Variants in CRPPA observed in about 807,000 individuals in gnomAD.
CRPPA encodes the protein CDP-L-ribitol pyrophosphorylase A, also known as D-ribitol-5-phosphate cytidylyltransferase.
In CRPPA, 43 loss-of-function variants were observed where a neutral mutation model predicts 52.0. The observed-to-expected ratio is 0.83, with a 90% CI of 0.65 to 1.07. CRPPA has a LOEUF of 1.07. Among genes scored for constraint, CRPPA ranks in the 50% least tolerant of loss-of-function variants. CRPPA has a pLI of 0.00. For missense variants in CRPPA, 629 were observed against 551.7 expected (o/e 1.14, Z -1.40); for synonymous variants, 250 against 203.5 (o/e 1.23, Z -1.94).
intron 9 of CRPPA, among the ~76,000 whole-genome samples, chr7:16,214,048 A>G (rs894232382): frequency 1.1e-4 from 17 of 152,212 alleles, no homozygotes; most frequent in Non-Finnish European, 1.9e-4. Context: ...CCAAGCCAAT[A>G]ATATAATCCA....
chr7:16,310,175 A>G (rs1284829675), intron 3 of CRPPA, among the ~76,000 whole-genome samples: 2 of 152,128 alleles, frequency 1.3e-5, no homozygotes, highest in African/African-American at 2.4e-5. Flanking sequence ...AGTTATAATG[A>G]TATCATTGAT....
At chr7:16,293,717 C>T (rs1784610298) in intron 5 of CRPPA, among the ~76,000 whole-genome samples, 1 of 151,942 alleles carries the variant, frequency 6.6e-6, no homozygotes, top group Admixed American at 6.6e-5. Flanking sequence ...CAGAAGCTAA[C>T]TGAGCATGTT....
chr7:16,327,319 G>A (rs924421952), intron 3 of CRPPA, among the ~76,000 whole-genome samples: 5 of 152,090 alleles, frequency 3.3e-5, no homozygotes, highest in African/African-American at 7.2e-5. Context: ...AAGGCCGGGC[G>A]CGGTGGCTCA....
intron 9 of CRPPA, among the ~76,000 whole-genome samples, chr7:16,164,791 G>A (rs1165172393): frequency 6.6e-6 from 1 of 152,150 alleles, no homozygotes; most frequent in African/African-American, 2.4e-5. Flanking sequence ...GGAGCTTGCT[G>A]GGAGTCCACT....
intron 9 of CRPPA, among the ~76,000 whole-genome samples, chr7:16,200,197 C>T (rs374554251): frequency 2.0e-5 from 3 of 152,246 alleles, no homozygotes; most frequent in South Asian, 2.1e-4. Context: ...CTTCTACGGA[C>T]GTTACTGCTT....
chr7:16,339,429 C>T (rs2128432697), intron 3 of CRPPA, among the ~76,000 whole-genome samples: 2 of 151,966 alleles, frequency 1.3e-5, no homozygotes, highest in African/African-American at 2.4e-5. Flanking sequence ...TAACAATAAG[C>T]TGAAGGAGAA....
rs568980002 is a variant in CRPPA, at chr7:16,252,388, T to A, written c.1119+6002A>T. On this transcript the variant is annotated intron_variant, in intron 8 of 9. Coordinates refer to ENST00000407010, the MANE Select transcript of CRPPA (RefSeq NM_001101426.4). The stretch of plus-strand genomic sequence containing the variant: ...TAAAAACTCTCAATAAACTAAGTAT[T>A]GACGGAACGTATCTCAAAATAATAA... 2.0e-5 allele frequency among the ~76,000 whole-genome samples: 3 copies of A among 152,310 alleles called. No homozygotes were observed. The East Asian group carries it at 5.8e-4, about 29-fold the overall frequency.
intron 2 of CRPPA, among the ~76,000 whole-genome samples, chr7:16,389,927 A>AG (rs1562673813): frequency 1.5e-5 from 1 of 67,690 alleles, no homozygotes; most frequent in Non-Finnish European, 3.0e-5. Context: ...AAAAAAAAAA[A>AG]AATATATATA....
chr7:16,098,845 C>T (rs957654997), intron 9 of CRPPA, among the ~76,000 whole-genome samples: 5 of 152,128 alleles, frequency 3.3e-5, no homozygotes, highest in African/African-American at 9.7e-5. Context: ...AAAGCGATCA[C>T]CTACTGATAG....
intron 9 of CRPPA, among the ~76,000 whole-genome samples, chr7:16,202,124 A>C (rs1419924565): frequency 6.6e-6 from 1 of 152,222 alleles, no homozygotes; most frequent in Non-Finnish European, 1.5e-5. Context: ...TTTAATTTGA[A>C]TATATGGTAA....
intron 6 of CRPPA, among the ~76,000 whole-genome samples, chr7:16,271,385 T>C (rs1172584049): frequency 6.6e-6 from 1 of 152,172 alleles, no homozygotes; most frequent in Admixed American, 6.5e-5. Context: ...AACTGGATCA[T>C]GTCATTTTCA....
chr7:16,131,056 G>A (rs560097297), intron 9 of CRPPA, among the ~76,000 whole-genome samples: 38 of 152,306 alleles, frequency 2.5e-4, no homozygotes, highest in African/African-American at 9.1e-4. Flanking sequence ...TTCTACAACT[G>A]TGAAAAAACA....
intron 8 of CRPPA, among the ~76,000 whole-genome samples, chr7:16,227,910 G>T (rs1259181347): frequency 1.3e-5 from 2 of 151,834 alleles, no homozygotes; most frequent in African/African-American, 4.8e-5. Context: ...ATTTGGAGTG[G>T]TTTTTGTATA....
intron 3 of CRPPA, among the ~76,000 whole-genome samples, chr7:16,360,952 T>C (rs944847940): frequency 1.3e-5 from 2 of 152,164 alleles, no homozygotes; most frequent in African/African-American, 4.8e-5. Context: ...TAGAAGAGAA[T>C]ATGTATAAAT....
intron 5 of CRPPA, among the ~76,000 whole-genome samples, chr7:16,284,563 A>T (rs1198075935): frequency 1.3e-5 from 2 of 152,082 alleles, no homozygotes. Flanking sequence ...GGTTTGGTAA[A>T]CAATCCATAT....
chr7:16,356,680 T>C (rs1489339370), intron 3 of CRPPA, among the ~76,000 whole-genome samples: 4 of 152,242 alleles, frequency 2.6e-5, no homozygotes, highest in African/African-American at 9.6e-5. Flanking sequence ...TTTTTTACCC[T>C]TTCCACATCT....
intron 9 of CRPPA, among the ~76,000 whole-genome samples, chr7:16,134,739 C>A (rs1468124729): frequency 6.6e-6 from 1 of 151,960 alleles, no homozygotes; most frequent in Non-Finnish European, 1.5e-5. Flanking sequence ...TATGGGCAAC[C>A]CTGATATTTC....
chr7:16,180,024 T>C (rs759929027), intron 9 of CRPPA, among the ~76,000 whole-genome samples: 4 of 152,118 alleles, frequency 2.6e-5, no homozygotes, highest in Non-Finnish European at 5.9e-5. Flanking sequence ...TTTCCTAATT[T>C]GCTAGGTTTG....
At chr7:16,145,626 T>C (rs1430067969) in intron 9 of CRPPA, among the ~76,000 whole-genome samples, 2 of 118,084 alleles carry the variant, frequency 1.7e-5, no homozygotes, top group Non-Finnish European at 3.6e-5. Context: ...GTTTAACTTA[T>C]AAATAAAAAC....
Sources: allele counts gnomAD v4.1 joint callset (sites outside exome capture counted in the v4.1 genomes callset), GRCh38; gene constraint gnomAD v4.1.1; transcripts MANE v1.5; gene names NCBI Gene and HGNC (gene_info 2026-07-23, HGNC 2026-07-21).